The following DGKB variants were observed in gnomAD, a reference collection of about 807,000 sequenced individuals.
DGKB encodes the protein diacylglycerol kinase beta, also known as 90 kDa diacylglycerol kinase.
DGKB carries 67 observed loss-of-function variants against 114.3 expected under a neutral mutation model. The ratio of observed to expected loss-of-function variants is 0.59; its 90% CI spans 0.48 to 0.72. The LOEUF (loss-of-function observed/expected upper bound fraction) is 0.72, where lower values mean the gene tolerates loss of function less well. Ranked by LOEUF, DGKB falls within the 30% of genes least tolerant of loss-of-function variation. DGKB has a pLI of 0.00. For synonymous variants in DGKB, 398 were observed against 323.1 expected (o/e 1.23, Z -2.49); for missense variants, 907 against 975.2 (o/e 0.93, Z 0.93).
chr7:14,662,663 A>G lies in DGKB; in HGVS notation c.1134+10266T>C, dbSNP rs2128927462. Among the ~76,000 whole-genome samples, 2 of 152,136 alleles carry G rather than the reference A, an allele frequency of 1.3e-5. 1 individual carries two copies. The highest frequency in any genetic ancestry group is 6.8e-3 in the Middle Eastern group (2 of 294). On this transcript the variant is annotated intron_variant, in intron 13 of 25. Transcript: ENST00000402815. ...CATTAACAGTGATGTCCCATAGTAT[A>G]TGGAAATACATAAAAATTTAAGGAT...
chr7:14,709,834 G>A (rs1357659581), intron 6 of DGKB, among the ~76,000 whole-genome samples: 2 of 146,324 alleles, frequency 1.4e-5, no homozygotes, highest in Non-Finnish European at 3.0e-5. Flanking sequence ...GGGGAGGGGA[G>A]AGGGATAGCA....
intron 23 of DGKB, among the ~76,000 whole-genome samples, chr7:14,265,761 G>C (rs901525388): frequency 6.6e-6 from 1 of 152,034 alleles, no homozygotes; most frequent in African/African-American, 2.4e-5. Flanking sequence ...GCACATAGGA[G>C]GTTCTTTATC....
At position 14,386,590 on chromosome 7, in the gene DGKB, G is replaced by C. The variant is rs1434256073; in HGVS notation, c.1836-41199C>G. Among the ~76,000 whole-genome samples, 5 of 152,160 alleles carry C rather than the reference G, an allele frequency of 3.3e-5. No individual in the cohort carries two copies. In the East Asian group the frequency reaches 9.6e-4, roughly 29 times the overall value. ...ATAGTTGCACAGATTTTAGTGAAAT[G>C]CAAGAGATAAGTGAGTAAGAAAGTG... is the stretch of plus-strand genomic sequence containing the variant. On this transcript the variant is annotated intron_variant, in intron 21 of 25. Transcript: ENST00000402815.
intron 23 of DGKB, among the ~76,000 whole-genome samples, chr7:14,216,684 A>G (rs911046126): frequency 1.4e-5 from 2 of 147,774 alleles, no homozygotes; most frequent in Non-Finnish European, 3.0e-5. Flanking sequence ...CGAGATTGAA[A>G]CATTACACTC....
intron 13 of DGKB, among the ~76,000 whole-genome samples, chr7:14,636,233 C>T (rs114341129): frequency 2.6e-4 from 40 of 151,826 alleles, no homozygotes; most frequent in East Asian, 9.7e-4. Flanking sequence ...TTGGGTCCAA[C>T]GAACAATATC....
At chr7:14,349,069 G>A (rs576149738) in intron 21 of DGKB, among the ~76,000 whole-genome samples, 9 of 152,112 alleles carry the variant, frequency 5.9e-5, no homozygotes, top group Admixed American at 4.6e-4. Flanking sequence ...ATAAAAATGG[G>A]CTGGAGTGTT....
At chr7:14,863,456 G>T (rs1343576342) in intron 1 of DGKB, among the ~76,000 whole-genome samples, 1 of 151,250 alleles carries the variant, frequency 6.6e-6, no homozygotes, top group East Asian at 1.9e-4. Flanking sequence ...ACACTATTTG[G>T]AAAATTTCAT....
chr7:14,385,278 C>T (rs1443214835), intron 21 of DGKB, among the ~76,000 whole-genome samples: 1 of 152,106 alleles, frequency 6.6e-6, no homozygotes, highest in Non-Finnish European at 1.5e-5. Flanking sequence ...CTCATCATAT[C>T]ATCATCTGGG....
intron 20 of DGKB, among the ~76,000 whole-genome samples, chr7:14,542,539 A>C (rs1456256129): frequency 6.6e-6 from 1 of 152,180 alleles, no homozygotes; most frequent in Admixed American, 6.5e-5. Context: ...GATTTTCTAT[A>C]TAATTTCACT....
intron 21 of DGKB, among the ~76,000 whole-genome samples, chr7:14,477,005 C>T (rs931409835): frequency 1.8e-4 from 28 of 152,162 alleles, no homozygotes; most frequent in Admixed American, 7.9e-4. Context: ...CCGCCTTGGC[C>T]TCCCAAAGTG....
intron 1 of DGKB, among the ~76,000 whole-genome samples, chr7:14,928,829 CT>C (rs1784867180): frequency 6.6e-6 from 1 of 151,880 alleles, no homozygotes; most frequent in South Asian, 2.1e-4. Flanking sequence ...CCCCCTCCTA[CT>C]CCCTCATCCA....
intron 14 of DGKB, among the ~76,000 whole-genome samples, chr7:14,629,496 G>C (rs1021099709): frequency 6.6e-6 from 1 of 151,846 alleles, no homozygotes; most frequent in Non-Finnish European, 1.5e-5. Flanking sequence ...ATCTTATGTA[G>C]CATTCATATA....
chr7:14,535,378 G>GAAAAAAAAAA (rs111762380), intron 20 of DGKB, among the ~76,000 whole-genome samples: 3 of 123,590 alleles, frequency 2.4e-5, no homozygotes, highest in African/African-American at 2.9e-5. Context: ...CTTAAAAAAA[G>GAAAAAAAAAA]AAAAAAAAAA....
chr7:14,674,663 C>T (rs1436380769), intron 12 of DGKB, among the ~76,000 whole-genome samples: 1 of 152,014 alleles, frequency 6.6e-6, no homozygotes, highest in African/African-American at 2.4e-5. Flanking sequence ...AATCCAATGA[C>T]TGGTGTCCTT....
intron 1 of DGKB, among the ~76,000 whole-genome samples, chr7:14,945,298 T>C (rs1785811196): frequency 6.6e-6 from 1 of 151,560 alleles, no homozygotes; most frequent in Non-Finnish European, 1.5e-5. Context: ...ATCAATAGAG[T>C]TAGAAGGTGG....
chr7:14,169,807 A>T (rs1160344854), intron 25 of DGKB, among the ~76,000 whole-genome samples: 1 of 152,138 alleles, frequency 6.6e-6, no homozygotes, highest in Non-Finnish European at 1.5e-5. Flanking sequence ...TCTGTTTTAA[A>T]TGATAGAGTT....
intron 2 of DGKB, among the ~76,000 whole-genome samples, chr7:14,824,366 G>C (rs1845367162): frequency 6.6e-6 from 1 of 151,980 alleles, no homozygotes; most frequent in Non-Finnish European, 1.5e-5. Flanking sequence ...GTTTTGTTCT[G>C]TCTGGCTTTA....
rs183538655 is a variant in DGKB, at chr7:14,323,239, A to G, written c.2122+15276T>C. Among the ~76,000 whole-genome samples, 377 of 152,314 alleles carry G rather than the reference A, an allele frequency of 2.5e-3. 1 individual carries two copies. Among genetic ancestry groups the G allele is most frequent in the Non-Finnish European group, 4.4e-3 (296 of 68,030 alleles). Reference sequence around the variant, plus strand: ...TTCTACTATAAAATATAAAAACCAGAAACATTTATTCATGGTGAAAAAGGT... The same window carrying G: ...TTCTACTATAAAATATAAAAACCAGGAACATTTATTCATGGTGAAAAAGGT... On this transcript the variant is annotated intron_variant, in intron 23 of 25. Coordinates refer to ENST00000402815, the MANE Select transcript of DGKB (RefSeq NM_001350709.2).
At chr7:14,609,163 A>T (rs149922032) in intron 16 of DGKB, among the ~76,000 whole-genome samples, 1 of 152,066 alleles carries the variant, frequency 6.6e-6, no homozygotes, top group East Asian at 1.9e-4. Context: ...GGCTACAGTA[A>T]CAAAAACTGC....
Sources: gnomAD v4.1 joint callset for allele counts (sites outside exome capture counted in the v4.1 genomes callset) on GRCh38, gnomAD v4.1.1 for gene constraint, MANE v1.5 for transcripts, NCBI Gene and HGNC (gene_info 2026-07-23, HGNC 2026-07-21) for gene names.